The following CSMD1 variants were observed in gnomAD, a reference collection of about 807,000 sequenced individuals.
CSMD1 encodes CUB and Sushi multiple domains 1, also known as CUB and sushi domain-containing protein 1.
Under a neutral mutation model 417.5 loss-of-function variants are expected in CSMD1, and 213 were observed. That is an observed-to-expected ratio of 0.51 (90% CI 0.46 to 0.57). The LOEUF (loss-of-function observed/expected upper bound fraction) is 0.57. CSMD1 is among the 20% of genes least tolerant of loss of function. CSMD1 has a pLI of 0.00. For missense variants in CSMD1, 6,923 were observed against 4,529.7 expected (o/e 1.53, Z -15.17); for synonymous variants, 2,862 against 1,736.8 (o/e 1.65, Z -16.11).
At chr8:3,258,396 C>A (rs758925417) in intron 26 of CSMD1, among the ~76,000 whole-genome samples, 1 of 152,088 alleles carries the variant, frequency 6.6e-6, no homozygotes, top group African/African-American at 2.4e-5. Flanking sequence ...AAATGAGATA[C>A]CATCTCACAC....
intron 10 of CSMD1, among the ~76,000 whole-genome samples, chr8:3,538,822 G>A (rs994973845): frequency 1.3e-5 from 2 of 152,164 alleles, no homozygotes; most frequent in Admixed American, 1.3e-4. Context: ...GGAAGGCAAT[G>A]TCTCCTCTCA....
chr8:4,400,908 C>T (rs1457774307), intron 3 of CSMD1, among the ~76,000 whole-genome samples: 1 of 151,942 alleles, frequency 6.6e-6, no homozygotes, highest in Non-Finnish European at 1.5e-5. Context: ...TTGTATATTG[C>T]AATGACTCAG....
intron 5 of CSMD1, among the ~76,000 whole-genome samples, chr8:3,801,647 T>G (rs1044552189): frequency 1.3e-5 from 2 of 151,118 alleles, no homozygotes; most frequent in African/African-American, 2.4e-5. Context: ...ACTGAAAACA[T>G]ATAGTAACAC....
intron 6 of CSMD1, among the ~76,000 whole-genome samples, chr8:3,722,575 C>T (rs1387822745): frequency 6.6e-6 from 1 of 152,138 alleles, no homozygotes; most frequent in Non-Finnish European, 1.5e-5. Context: ...CAAAATACTG[C>T]CATTAATAAC....
chr8:3,298,748 C>T (rs574733134), intron 25 of CSMD1, among the ~76,000 whole-genome samples: 1 of 152,184 alleles, frequency 6.6e-6, no homozygotes, highest in Non-Finnish European at 1.5e-5. Context: ...GCCATCGTGC[C>T]CGACAATTAT....
chr8:4,845,583 A>G (rs1364102358), intron 1 of CSMD1, among the ~76,000 whole-genome samples: 1 of 152,210 alleles, frequency 6.6e-6, no homozygotes, highest in Non-Finnish European at 1.5e-5. Flanking sequence ...TAGTCAACCA[A>G]TATTTATTGG....
chr8:4,456,692 G>A (rs1475630652), intron 2 of CSMD1, among the ~76,000 whole-genome samples: 1 of 152,090 alleles, frequency 6.6e-6, no homozygotes, highest in East Asian at 1.9e-4. Context: ...TGCTGGCTCT[G>A]GTGGAAGAAA....
intron 22 of CSMD1, among the ~76,000 whole-genome samples, chr8:3,346,842 A>T (rs915980920): frequency 3.3e-5 from 5 of 152,218 alleles, no homozygotes; most frequent in African/African-American, 1.2e-4. Context: ...CGTAGATGTA[A>T]ATTAATTGAA....
intron 1 of CSMD1, among the ~76,000 whole-genome samples, chr8:4,965,103 T>C (rs1266841918): frequency 1.3e-5 from 2 of 152,222 alleles, no homozygotes; most frequent in African/African-American, 2.4e-5. Context: ...ATAGCTTATG[T>C]AATGTGAATA....
intron 52 of CSMD1, among the ~76,000 whole-genome samples, chr8:3,002,917 T>G (rs1419865092): frequency 6.6e-6 from 1 of 152,192 alleles, no homozygotes; most frequent in Non-Finnish European, 1.5e-5. Flanking sequence ...TCAAAAACAT[T>G]TCATTTTACC....
chr8:3,922,484 T>A (rs574273447), intron 5 of CSMD1, among the ~76,000 whole-genome samples: 3 of 152,112 alleles, frequency 2.0e-5, no homozygotes, highest in African/African-American at 7.2e-5. Context: ...TCTTTCATAA[T>A]TTGATAATTT....
intron 2 of CSMD1, among the ~76,000 whole-genome samples, chr8:4,485,762 C>G (rs982499186): frequency 7.9e-5 from 12 of 152,138 alleles, no homozygotes; most frequent in Non-Finnish European, 8.8e-5. Context: ...TTTACTTTTC[C>G]AAAGTTGGTG....
intron 1 of CSMD1, among the ~76,000 whole-genome samples, chr8:4,706,176 AT>A (rs1320404609): frequency 2.6e-5 from 4 of 151,110 alleles, no homozygotes; most frequent in Admixed American, 6.6e-5. Flanking sequence ...GTACATATAT[AT>A]TTTTTCAATA....
At chr8:4,355,665 C>T (rs1801386610) in intron 3 of CSMD1, among the ~76,000 whole-genome samples, 1 of 152,188 alleles carries the variant, frequency 6.6e-6, no homozygotes, top group Non-Finnish European at 1.5e-5. Flanking sequence ...TGCTATAAAA[C>T]CTCCAAAGCC....
chr8:4,250,707 C>G (rs1394848992), intron 3 of CSMD1, among the ~76,000 whole-genome samples: 1 of 152,048 alleles, frequency 6.6e-6, no homozygotes, highest in East Asian at 1.9e-4. Context: ...TTTCAGAAGT[C>G]CCTTCCTTGA....
At chr8:3,539,134 T>A (rs1199657953) in intron 10 of CSMD1, among the ~76,000 whole-genome samples, 1 of 152,200 alleles carries the variant, frequency 6.6e-6, no homozygotes, top group Non-Finnish European at 1.5e-5. Flanking sequence ...GGACCGCTTG[T>A]CTTTCCCTTC....
chr8:3,529,622 T>G (rs1006729191), intron 10 of CSMD1, among the ~76,000 whole-genome samples: 1 of 152,188 alleles, frequency 6.6e-6, no homozygotes, highest in African/African-American at 2.4e-5. Context: ...AGTTCGTGAT[T>G]TGTCAAAAGT....
At chr8:3,108,020 T>A (rs1816258440) in intron 44 of CSMD1, among the ~76,000 whole-genome samples, 1 of 152,208 alleles carries the variant, frequency 6.6e-6, no homozygotes, top group South Asian at 2.1e-4. Flanking sequence ...AAGTGTACAA[T>A]TATTTTTTAA....
At chr8:3,575,392 T>G (rs1800109668) in intron 9 of CSMD1, among the ~76,000 whole-genome samples, 1 of 152,154 alleles carries the variant, frequency 6.6e-6, no homozygotes, top group Non-Finnish European at 1.5e-5. Flanking sequence ...CCAGTGTGAC[T>G]CAGAGTGTTC....
Sources: allele counts gnomAD v4.1 joint callset (sites outside exome capture counted in the v4.1 genomes callset), GRCh38; gene constraint gnomAD v4.1.1; transcripts MANE v1.5; gene names NCBI Gene and HGNC (gene_info 2026-07-23, HGNC 2026-07-21).